The following OAS2 variants were observed in gnomAD, a reference collection of about 807,000 sequenced individuals.
OAS2 encodes 2'-5'-oligoadenylate synthetase 2.
In OAS2, 67 loss-of-function variants were observed where a neutral mutation model predicts 71.3. That is an observed-to-expected ratio of 0.94 (90% CI 0.77 to 1.15). OAS2 has a LOEUF of 1.15. OAS2 is among the 50% of genes most tolerant of loss of function. The pLI is 0.00. For missense variants in OAS2, 789 were observed against 822.5 expected, an observed-to-expected ratio of 0.96 and a Z score of 0.50; for synonymous variants, 327 against 321.8, an observed-to-expected ratio of 1.02 and a Z score of -0.17.
Position 112,978,818 on chromosome 12 carries a change from G to T in OAS2, c.177+33G>T. The T allele has an allele frequency of 6.3e-7, 1 of 1,578,538 alleles. No individual in the cohort carries two copies. Among genetic ancestry groups the T allele is most frequent in the South Asian group, 1.1e-5 (1 of 87,272 alleles). Reference sequence around the variant, plus strand: ...CAGGGCTGAGGTTGGGTCTCTGGGAGGCAGGAGATTCCACGGCGGCAGCAA... The same window carrying T: ...CAGGGCTGAGGTTGGGTCTCTGGGATGCAGGAGATTCCACGGCGGCAGCAA... On this transcript the variant is annotated intron_variant, in intron 1 of 9. Coordinates refer to ENST00000392583, the MANE Select transcript of OAS2 (RefSeq NM_002535.3). This position sits in a 1 kb window ranked among gnomAD's most constrained non-coding sequence, Gnocchi z 4.2.
rs915321763 is a variant in OAS2, at chr12:112,997,740, A to G, written c.848A>G (p.Gln283Arg). The change falls in exon 4 of 10, where the codon CAG (glutamine) becomes CGG (arginine). Residue 283 changes from glutamine to arginine, a missense_variant. Physicochemically the swap from Gln to Arg is conservative, Grantham distance 43. Transcript: ENST00000392583. The stretch of plus-strand genomic sequence containing the variant: ...ACCATCAGGAACATCCTGCTGCACC[A>G]GCTCCAATCAGCGAGGTGCCAAGCT... ...DETIRNILLH[Q>R]LQSARPVILD... 1 of 1,592,096 alleles carries G rather than the reference A, an allele frequency of 6.3e-7. No homozygotes were observed. Among genetic ancestry groups the G allele is most frequent in the African/African-American group, 1.3e-5 (1 of 74,652 alleles).
chr12:112,987,349 C>T lies in OAS2; in HGVS notation c.448+41C>T, dbSNP rs1293767. On this transcript the variant is annotated intron_variant, in intron 2 of 9. Transcript: ENST00000392583. ...TGTCAGGAGAGAAAAGCCAAAGAAG[C>T]GGGTGCCAGACAGCTCTGTGCAACC... 6.2e-7 allele frequency: 1 copy of T among 1,610,924 alleles called. No individual in the cohort carries two copies. Among genetic ancestry groups the T allele is most frequent in the Non-Finnish European group, 8.5e-7 (1 of 1,178,034 alleles).
chr12:112,994,356 CAG>C lies in OAS2; in HGVS notation c.449-939_449-938del, dbSNP rs2044217776. The stretch of plus-strand genomic sequence containing the variant: ...CGCCATTGGCTTTCTATGTGGTGAG[CAG>C]CAGGACCTAGACTGAACCCCTGGTG... On this transcript the variant is annotated intron_variant, in intron 2 of 9. Coordinates refer to ENST00000392583, the MANE Select transcript of OAS2 (RefSeq NM_002535.3). 7.9e-5 allele frequency among the ~76,000 whole-genome samples: 12 copies of C among 152,232 alleles called. No homozygotes were observed. The South Asian group carries it at 8.3e-4, about 11-fold the overall frequency.
At chr12:113,001,447 TACATATATAC>T (rs921118951) in intron 5 of OAS2, among the ~76,000 whole-genome samples, 3 of 72,678 alleles carry the variant, frequency 4.1e-5, no homozygotes, top group Non-Finnish European at 1.0e-4. Context: ...TACACATATA[TACATATATAC>T]ACATATATAC....
intron 9 of OAS2, 22 bp from the exon 10 acceptor site, chr12:113,009,065 T>C (rs763979385): frequency 1.0e-5 from 16 of 1,606,774 alleles, no homozygotes; most frequent in Non-Finnish European, 1.4e-5. Context: ...AATCTCCTAA[T>C]GCCTTCTAAC....
chr12:112,987,561 C>A, intron 2 of OAS2: 1 of 1,346,690 alleles, frequency 7.4e-7, no homozygotes, highest in Non-Finnish European at 9.5e-7. Flanking sequence ...GCCTTTTAAG[C>A]CATACTGTAC....
At position 113,003,122 on chromosome 12, in the gene OAS2, A is replaced by G. The variant is rs757252857; in HGVS notation, c.1179+20A>G. 1.8e-5 allele frequency: 29 copies of G among 1,612,178 alleles called. No homozygotes were observed. The highest frequency in any genetic ancestry group is 3.3e-5 in the Admixed American group (2 of 59,980). Reference sequence around the variant, plus strand: ...GTCCGGGTGAGCACTGGCCTTTCTCATGTCTTGTTGGAATGATGTAATATT... The same window carrying G: ...GTCCGGGTGAGCACTGGCCTTTCTCGTGTCTTGTTGGAATGATGTAATATT... On this transcript the variant is annotated intron_variant, in intron 6 of 9. Transcript: ENST00000392583.
Position 113,010,147 on chromosome 12 carries a change from G to T in OAS2, c.*892G>T. 1 of 1,256,000 alleles carries T rather than the reference G, an allele frequency of 8.0e-7. No homozygotes were observed. The allele number at this position is 1,256,000 out of a possible 1,614,324, so 77.8% of individuals were successfully genotyped here. A position where few individuals can be genotyped will look rare whatever the true frequency, so the allele number is the denominator to read the frequency against. ...CTAGGTGAGAACCCTTGCACTAGAG[G>T]AACCCTACACCCCAACCCTGGGGGG... On this transcript the variant is annotated 3_prime_UTR_variant, in exon 10 of 10. Coordinates refer to ENST00000392583, the MANE Select transcript of OAS2 (RefSeq NM_002535.3).
At position 113,005,224 on chromosome 12, in the gene OAS2, T is replaced by C; in HGVS notation, c.1468+2T>C. 1 of 1,610,954 alleles carries C rather than the reference T, an allele frequency of 6.2e-7. No individual in the cohort carries two copies. Among genetic ancestry groups the C allele is most frequent in the African/African-American group, 1.3e-5 (1 of 74,808 alleles). On this transcript the variant is annotated splice_donor_variant, in intron 7 of 9. Transcript: ENST00000392583. LOFTEE classifies it high-confidence loss of function. ...TGCTTCCTGCCTTTAATGCACTGGG[T>C]AAGGCTCCCCAGACCTTAGCTTGGA... is the stretch of plus-strand genomic sequence containing the variant.
At chr12:113,000,841 C>T (rs924255229) in intron 5 of OAS2, among the ~76,000 whole-genome samples, 30 of 152,336 alleles carry the variant, frequency 2.0e-4, no homozygotes, top group Admixed American at 2.6e-4. Context: ...CAATAGGCAC[C>T]GTCCTCAGCA....
chr12:112,992,327 G>C (rs1403270675), intron 2 of OAS2, among the ~76,000 whole-genome samples: 1 of 151,374 alleles, frequency 6.6e-6, no homozygotes, highest in African/African-American at 2.4e-5. Flanking sequence ...GGAGTTCAAG[G>C]TTGCAGTGAG....
Position 113,002,915 on chromosome 12 carries a change from C to T in OAS2, c.1009-17C>T. Reference sequence around the variant, plus strand: ...TACAGGTGCCACTCACACTTGGGGTCTTCCTTCCTTCCCCAGCCTGCACCA... The same window carrying T: ...TACAGGTGCCACTCACACTTGGGGTTTTCCTTCCTTCCCCAGCCTGCACCA... On this transcript the variant is annotated splice_polypyrimidine_tract_variant and intron_variant, in intron 5 of 9. Transcript: ENST00000392583. 1 of 1,612,340 alleles carries T rather than the reference C, an allele frequency of 6.2e-7. No individual in the cohort carries two copies. Among genetic ancestry groups the T allele is most frequent in the Non-Finnish European group, 8.5e-7 (1 of 1,178,938 alleles).
intron 2 of OAS2, among the ~76,000 whole-genome samples, chr12:112,990,637 C>T (rs1237492031): frequency 6.6e-6 from 1 of 152,212 alleles, no homozygotes; most frequent in Non-Finnish European, 1.5e-5. Context: ...CAGGACACAG[C>T]TTTGCAGGGC....
At chr12:112,995,602 C>T in intron 3 of OAS2, 128 bp downstream of exon 3, 3 of 865,194 alleles carry the variant, frequency 3.5e-6, no homozygotes, top group Admixed American at 2.6e-5. Flanking sequence ...ACCAGCAACA[C>T]CCAAATCAAC....
chr12:112,988,114 A>G, intron 2 of OAS2: 1 of 985,432 alleles, frequency 1.0e-6, no homozygotes, highest in Non-Finnish European at 1.2e-6. Flanking sequence ...AGGCCATACA[A>G]AACATCTCCC....
chr12:112,992,588 C>T (rs2044201906), intron 2 of OAS2, among the ~76,000 whole-genome samples: 1 of 152,198 alleles, frequency 6.6e-6, no homozygotes, highest in South Asian at 2.1e-4. Context: ...TTACCAGGAA[C>T]CATGAAGAAC....
At chr12:112,984,555 C>A (rs1468753936) in intron 1 of OAS2, among the ~76,000 whole-genome samples, 1 of 152,046 alleles carries the variant, frequency 6.6e-6, no homozygotes, top group Non-Finnish European at 1.5e-5. Context: ...GAATTTAAAC[C>A]GTTGTTAAAT....
intron 5 of OAS2, among the ~76,000 whole-genome samples, chr12:113,001,403 T>C (rs201570922): frequency 2.3e-5 from 3 of 130,502 alleles, no homozygotes; most frequent in East Asian, 2.3e-4. Flanking sequence ...TATATACACA[T>C]ATATACATAT....
chr12:112,980,452 A>G (rs187962140), intron 1 of OAS2, among the ~76,000 whole-genome samples: 1 of 152,230 alleles, frequency 6.6e-6, no homozygotes, highest in East Asian at 1.9e-4. Context: ...TACCTCCATG[A>G]GATCAACTTT....
Sources: gnomAD v4.1 joint callset for allele counts (sites outside exome capture counted in the v4.1 genomes callset) on GRCh38, gnomAD v4.1.1 for gene constraint, Gnocchi (gnomAD v3.1) non-coding constraint, MANE v1.5 for transcripts, NCBI Gene and HGNC (gene_info 2026-07-23, HGNC 2026-07-21) for gene names.